SLIT3: variants seen among roughly 807,000 people sequenced by gnomAD.
The protein encoded by SLIT3 is slit guidance ligand 3.
SLIT3 carries 68 observed loss-of-function variants against 184.0 expected under a neutral mutation model. The observed-to-expected ratio is 0.37, with a 90% CI of 0.30 to 0.45. The LOEUF (loss-of-function observed/expected upper bound fraction) is 0.45. Among genes scored for constraint, SLIT3 ranks in the 20% least tolerant of loss-of-function variants. The pLI, the probability that SLIT3 is intolerant of heterozygous loss-of-function variation, is 1.00. For synonymous variants in SLIT3, 831 were observed against 828.6 expected, an observed-to-expected ratio of 1.00 and a Z score of -0.05; for missense variants, 1,707 against 2,026.0, an observed-to-expected ratio of 0.84 and a Z score of 3.02.
intron 21 of SLIT3, among the ~76,000 whole-genome samples, chr5:168,723,939 A>T (rs1037598135): frequency 2.0e-5 from 3 of 152,188 alleles, no homozygotes; most frequent in South Asian, 4.1e-4. Flanking sequence ...AACTGGGGGC[A>T]CTTGTGCTCC....
chr5:169,166,502 A>G (rs1039770696), intron 4 of SLIT3, among the ~76,000 whole-genome samples: 1 of 152,058 alleles, frequency 6.6e-6, no homozygotes, highest in African/African-American at 2.4e-5. Context: ...CCTCATTATA[A>G]TGCAGCTGTG....
intron 4 of SLIT3, among the ~76,000 whole-genome samples, chr5:169,091,030 C>T (rs1049817336): frequency 1.3e-5 from 2 of 152,186 alleles, no homozygotes; most frequent in East Asian, 1.9e-4. Context: ...TCTTATCTGT[C>T]CTACCAGGCT....
chr5:169,059,907 A>G (rs1325512242), intron 4 of SLIT3, among the ~76,000 whole-genome samples: 1 of 152,242 alleles, frequency 6.6e-6, no homozygotes, highest in Non-Finnish European at 1.5e-5. Flanking sequence ...GGAGATGATT[A>G]GGTCATGAGG....
chr5:168,668,506 TCCACTGAGGA>T (rs1045035078), intron 35 of SLIT3, among the ~76,000 whole-genome samples: 11 of 152,242 alleles, frequency 7.2e-5, no homozygotes, highest in Non-Finnish European at 1.0e-4. Context: ...CCTGCAGAGG[TCCACTGAGGA>T]CCATTTTCTA....
intron 4 of SLIT3, among the ~76,000 whole-genome samples, chr5:168,895,479 A>G (rs1760629910): frequency 6.6e-6 from 1 of 152,220 alleles, no homozygotes. Flanking sequence ...TCCTGGGGCC[A>G]TCTGCTGATA....
intron 20 of SLIT3, among the ~76,000 whole-genome samples, chr5:168,734,917 A>T (rs1763386043): frequency 1.3e-5 from 2 of 152,182 alleles, no homozygotes; most frequent in African/African-American, 4.8e-5. Context: ...TCAGTGCAGA[A>T]TGTCCCCGGC....
At position 168,722,271 on chromosome 5, in the gene SLIT3, C is replaced by T. The variant is rs780917955; in HGVS notation, c.2468G>A (p.Arg823Gln). ...CIPVHAFNGLRSLRVLTLHGN... is the reference protein window; with the variant it reads ...CIPVHAFNGLQSLRVLTLHGN... ...GGGTACTCACAGCACTCGCAGGGAC[C>T]GCAGCCCGTTGAAGGCGTGGACGGG... Residue 823 changes from arginine to glutamine, a missense_variant, in exon 23 of 36, where the codon CGG becomes CAG. By Grantham distance (43) the Arg-to-Gln change is conservative. Transcript: ENST00000519560. 44 of 1,614,064 alleles carry T rather than the reference C, an allele frequency of 2.7e-5. No individual in the cohort carries two copies. Among genetic ancestry groups the T allele is most frequent in the East Asian group, 6.7e-5 (3 of 44,870 alleles).
chr5:169,133,519 G>A (rs914588362), intron 4 of SLIT3, among the ~76,000 whole-genome samples: 9 of 152,208 alleles, frequency 5.9e-5, no homozygotes, highest in Non-Finnish European at 8.8e-5. Context: ...ACATGCTGAC[G>A]TATCAAAGGA....
chr5:168,808,422 G>A (rs146384164), intron 8 of SLIT3, among the ~76,000 whole-genome samples: 464 of 152,252 alleles, frequency 3.0e-3, no homozygotes, highest in Admixed American at 4.7e-3. Context: ...CTGTGCCTCA[G>A]TTTTCCCATC....
chr5:169,078,664 G>A (rs747853644), intron 4 of SLIT3, among the ~76,000 whole-genome samples: 1 of 152,120 alleles, frequency 6.6e-6, no homozygotes, highest in African/African-American at 2.4e-5. Flanking sequence ...CAGAAAAAAT[G>A]AGCACTAATG....
chr5:169,054,216 T>TAAA (rs35649544), intron 4 of SLIT3, among the ~76,000 whole-genome samples: 1 of 69,764 alleles, frequency 1.4e-5, no homozygotes, highest in Non-Finnish European at 3.0e-5. Flanking sequence ...AGAGAGACAC[T>TAAA]AAAAAAAAAA....
chr5:169,007,291 A>G (rs1581295026), intron 4 of SLIT3, among the ~76,000 whole-genome samples: 1 of 152,236 alleles, frequency 6.6e-6, no homozygotes, highest in Admixed American at 6.5e-5. Flanking sequence ...TCTTTAAAGC[A>G]GTGTGAAAAC....
At chr5:169,129,485 G>A (rs1761208880) in intron 4 of SLIT3, among the ~76,000 whole-genome samples, 1 of 152,152 alleles carries the variant, frequency 6.6e-6, no homozygotes, top group African/African-American at 2.4e-5. Context: ...CCGGGAGGCA[G>A]AGATTGCAGT....
At chr5:168,749,396 T>C in intron 19 of SLIT3, 76 bp downstream of exon 19, 1 of 1,541,046 alleles carries the variant, frequency 6.5e-7, no homozygotes, top group South Asian at 1.2e-5. Context: ...TCAGGGAGTA[T>C]CTGATTGTGC....
intron 3 of SLIT3, among the ~76,000 whole-genome samples, chr5:169,194,577 G>T (rs765834176): frequency 1.3e-5 from 2 of 152,048 alleles, no homozygotes; most frequent in Non-Finnish European, 2.9e-5. Flanking sequence ...CTACCCAAAA[G>T]TTCATTTTTG....
At chr5:169,277,944 G>A (rs942999024) in intron 1 of SLIT3, among the ~76,000 whole-genome samples, 2 of 152,182 alleles carry the variant, frequency 1.3e-5, no homozygotes, top group African/African-American at 4.8e-5. Context: ...TTTGACTATA[G>A]CCTTCACAGT....
chr5:169,255,959 G>A (rs1765947613), intron 1 of SLIT3, among the ~76,000 whole-genome samples: 1 of 152,140 alleles, frequency 6.6e-6, no homozygotes, highest in African/African-American at 2.4e-5. Flanking sequence ...TAGCCTAAGT[G>A]TACAGTGTTT....
intron 5 of SLIT3, among the ~76,000 whole-genome samples, chr5:168,863,922 A>G (rs1206211667): frequency 6.6e-6 from 1 of 152,118 alleles, no homozygotes; most frequent in Non-Finnish European, 1.5e-5. Flanking sequence ...TTTCACATAT[A>G]TAAAAGCATG....
chr5:168,673,394 T>A, intron 32 of SLIT3, 63 bp from the exon 33 acceptor site: 1 of 1,504,408 alleles, frequency 6.6e-7, no homozygotes, highest in East Asian at 2.3e-5. Context: ...GGCTGGGCCC[T>A]GTGCTGTGGA....
Sources: allele counts gnomAD v4.1 joint callset (sites outside exome capture counted in the v4.1 genomes callset), GRCh38; gene constraint gnomAD v4.1.1; transcripts MANE v1.5; gene names NCBI Gene and HGNC (gene_info 2026-07-23, HGNC 2026-07-21).